UNC13B: variants seen among roughly 807,000 people sequenced by gnomAD.
UNC13B encodes the protein protein unc-13 homolog B.
UNC13B carries 144 observed loss-of-function variants against 211.0 expected under a neutral mutation model. The observed-to-expected ratio is 0.68, with a 90% CI of 0.60 to 0.78. UNC13B has a LOEUF of 0.78. UNC13B is among the 30% of genes least tolerant of loss of function. The probability of loss-of-function intolerance (pLI) is 0.00; values close to 1 mark genes in which losing one functional copy is unlikely to be tolerated. For missense variants in UNC13B, 1,777 were observed against 2,002.0 expected, an observed-to-expected ratio of 0.89 and a Z score of 2.14; for synonymous variants, 709 against 725.8, an observed-to-expected ratio of 0.98 and a Z score of 0.37.
chr9:35,162,949 C>T (rs1820857149), intron 1 of UNC13B, among the ~76,000 whole-genome samples: 1 of 152,184 alleles, frequency 6.6e-6, no homozygotes, highest in African/African-American at 2.4e-5. Context: ...CCTGAGGACA[C>T]TTGACCCATC....
intron 1 of UNC13B, among the ~76,000 whole-genome samples, chr9:35,210,002 G>A (rs1398822045): frequency 6.6e-6 from 1 of 152,096 alleles, no homozygotes; most frequent in East Asian, 1.9e-4. Context: ...CACTTTGGGA[G>A]GCCAAGGTGG....
intron 11 of UNC13B, chr9:35,352,739 A>T (rs1258741023): frequency 2.7e-5 from 33 of 1,232,110 alleles, no homozygotes; most frequent in Admixed American, 8.4e-5. Flanking sequence ...ATCTCAAGTT[A>T]TCAGTGGCAG....
chr9:35,274,425 T>G (rs1183323444), intron 7 of UNC13B, among the ~76,000 whole-genome samples: 1 of 152,150 alleles, frequency 6.6e-6, no homozygotes, highest in African/African-American at 2.4e-5. Context: ...TAATCCATGT[T>G]CCTAATAATG....
At chr9:35,402,926 G>A (rs914859579) in intron 37 of UNC13B, among the ~76,000 whole-genome samples, 1 of 152,176 alleles carries the variant, frequency 6.6e-6, no homozygotes. Context: ...GGGGATCCTT[G>A]AGAGAGAGTC....
At chr9:35,309,337 C>T (rs1830077650) in intron 9 of UNC13B, among the ~76,000 whole-genome samples, 1 of 151,882 alleles carries the variant, frequency 6.6e-6, no homozygotes, top group Admixed American at 6.6e-5. Context: ...ATTCTGCTGG[C>T]ATGGGCTAGA....
chr9:35,313,911 G>T lies in UNC13B; in HGVS notation c.9336G>T (p.Glu3112Asp), dbSNP rs761647836. The T allele has an allele frequency of 2.5e-6, 4 of 1,613,700 alleles. No individual in the cohort carries two copies. Among genetic ancestry groups the T allele is most frequent in the Non-Finnish European group, 3.4e-6 (4 of 1,179,674 alleles). Residue 3112 changes from glutamate to aspartate, a missense_variant, in exon 11 of 40, where the codon GAG (glutamate) becomes GAT (aspartate). Glu to Asp is a conservative substitution (Grantham distance 45). Coordinates refer to ENST00000635942, the MANE Select transcript of UNC13B (RefSeq NM_001371189.2). ...FLGPQESFPEENASSPFTQAR... is the reference protein window; with the variant it reads ...FLGPQESFPEDNASSPFTQAR... ...TCTCTGTTACAAGTTTTCCTGAGGA[G>T]AATGCATCTTCACCATTTACCCAAG...
chr9:35,390,324 G>C (rs987846510), intron 25 of UNC13B, among the ~76,000 whole-genome samples: 3 of 152,212 alleles, frequency 2.0e-5, no homozygotes, highest in Non-Finnish European at 2.9e-5. Flanking sequence ...TTCTCCTCCA[G>C]CTTATTTAGC....
Position 35,375,071 on chromosome 9 carries a change from C to G in UNC13B, c.9541-56C>G, listed in dbSNP as rs769959652. On this transcript the variant is annotated intron_variant, in intron 13 of 39. Coordinates refer to ENST00000635942, the MANE Select transcript of UNC13B (RefSeq NM_001371189.2). ...CTTTGGTCACTGAAGCTCCCTCCCC[C>G]AGACTTTGCCAGCCCTTGGCAGTGG... is the stretch of plus-strand genomic sequence containing the variant. 17 of 1,599,048 alleles carry G rather than the reference C, an allele frequency of 1.1e-5. 1 individual carries two copies. The East Asian group carries it at 2.2e-4, about 21-fold the overall frequency.
chr9:35,236,145 T>C (rs905359260), intron 3 of UNC13B, among the ~76,000 whole-genome samples: 1 of 152,208 alleles, frequency 6.6e-6, no homozygotes, highest in Non-Finnish European at 1.5e-5. Flanking sequence ...TTTTTTTTGT[T>C]GTATGTGTGT....
chr9:35,361,424 G>A (rs778735439), intron 11 of UNC13B: 2 of 152,156 alleles, frequency 1.3e-5, no homozygotes, highest in Non-Finnish European at 2.9e-5. Flanking sequence ...CAGTTCCTCA[G>A]GGTCTGGAAA....
At chr9:35,402,993 C>T (rs1836422688) in intron 37 of UNC13B, among the ~76,000 whole-genome samples, 174 bp from the exon 38 acceptor site, 1 of 152,216 alleles carries the variant, frequency 6.6e-6, no homozygotes, top group African/African-American at 2.4e-5. Context: ...ACTTGTGTTA[C>T]AAGACACAGC....
At chr9:35,332,624 G>T (rs972809134) in intron 11 of UNC13B, among the ~76,000 whole-genome samples, 1 of 152,014 alleles carries the variant, frequency 6.6e-6, no homozygotes, top group Non-Finnish European at 1.5e-5. Flanking sequence ...GTCTTCTAAT[G>T]GTTTCCTTGC....
intron 7 of UNC13B, among the ~76,000 whole-genome samples, chr9:35,264,548 T>C (rs1215289124): frequency 2.0e-5 from 3 of 152,176 alleles, no homozygotes; most frequent in African/African-American, 4.8e-5. Flanking sequence ...AGAAAGACTG[T>C]TGGACTTCTT....
rs543036863 is a variant in UNC13B, at chr9:35,317,689, A to ATT, written c.9414+3719_9414+3720dup. ...AGGCGTGGGCCACCATGCCTGGCTA[A>ATT]TTTTTTTTTTTTTTTTTTTTAATTT... On this transcript the variant is annotated intron_variant, in intron 11 of 39. Transcript: ENST00000635942. Among the ~76,000 whole-genome samples the ATT allele has an allele frequency of 9.6e-4, 121 of 125,536 alleles. No homozygotes were observed. In the South Asian group the frequency reaches 0.016, roughly 17 times the overall value. 82.4% of individuals were successfully genotyped at this position (125,536 alleles called of 152,430 possible). A position where few individuals can be genotyped will look rare whatever the true frequency, so the allele number is the denominator to read the frequency against.
chr9:35,266,569 A>C (rs1381743895), intron 7 of UNC13B, among the ~76,000 whole-genome samples: 2 of 152,342 alleles, frequency 1.3e-5, no homozygotes, highest in Non-Finnish European at 2.9e-5. Flanking sequence ...AAGTAAAAAA[A>C]TAAAAGGAGT....
Position 35,303,569 on chromosome 9 carries a change from G to T in UNC13B, c.4165G>T (p.Ala1389Ser), listed in dbSNP as rs1176783054. The T allele has an allele frequency of 2.0e-5, 8 of 398,636 alleles. No homozygotes were observed. Among genetic ancestry groups the T allele is most frequent in the Non-Finnish European group, 3.1e-5 (7 of 225,886 alleles). 24.7% of individuals were successfully genotyped at this position (398,636 alleles called of 1,614,324 possible). The change falls in exon 9 of 40, where the codon GCT becomes TCT. Residue 1389 changes from alanine to serine, a missense_variant. Physicochemically the swap from Ala to Ser is moderately conservative, Grantham distance 99. Coordinates refer to ENST00000635942, the MANE Select transcript of UNC13B (RefSeq NM_001371189.2). ...LNQNRFLSAD[A>S]CLWLDSENSV... is the part of the protein sequence containing the mutation. ...TCAAAATAGATTTCTATCAGCCGATGCTTGCTTGTGGCTTGACTCAGAAAA... is the reference window on the plus strand; with the variant it reads ...TCAAAATAGATTTCTATCAGCCGATTCTTGCTTGTGGCTTGACTCAGAAAA...
chr9:35,378,495 C>T (rs1834598825), intron 17 of UNC13B, 59 bp downstream of exon 17: 1 of 1,597,404 alleles, frequency 6.3e-7, no homozygotes, highest in Non-Finnish European at 8.6e-7. Flanking sequence ...AGCAGGATCA[C>T]ATCCTGCCAT....
chr9:35,380,545 G>A lies in UNC13B; in HGVS notation c.10281G>A (p.Lys3427=), dbSNP rs1214602837. The part of the protein sequence containing the change: ...DEDDDIKSRV[K]QRLKRESDDF... ...ATGATGACATCAAGTCAAGAGTAAA[G>A]CAACGCCTAAAGCGAGAGTCTGATG... The change falls in exon 18 of 40, where the codon AAG becomes AAA. Residue 3427 remains lysine (K), a synonymous_variant. Coordinates refer to ENST00000635942, the MANE Select transcript of UNC13B (RefSeq NM_001371189.2). 6.8e-6 allele frequency: 11 copies of A among 1,614,234 alleles called. No homozygotes were observed. Among genetic ancestry groups the A allele is most frequent in the Non-Finnish European group, 9.3e-6 (11 of 1,180,034 alleles).
intron 1 of UNC13B, among the ~76,000 whole-genome samples, chr9:35,227,118 G>A (rs1824892346): frequency 6.6e-6 from 1 of 152,194 alleles, no homozygotes; most frequent in African/African-American, 2.4e-5. Flanking sequence ...ACAAAAGGTA[G>A]TCTCCAGTGA....
Sources: gnomAD v4.1 joint callset for allele counts (sites outside exome capture counted in the v4.1 genomes callset) on GRCh38, gnomAD v4.1.1 for gene constraint, MANE v1.5 for transcripts, NCBI Gene and HGNC (gene_info 2026-07-23, HGNC 2026-07-21) for gene names.